Variants in NRG1 observed in about 807,000 individuals in gnomAD.
The protein encoded by NRG1 is pro-neuregulin-1, membrane-bound isoform.
A neutral mutation model predicts 63.8 loss-of-function variants in NRG1; 18 were observed. That is an observed-to-expected ratio of 0.28 (90% CI 0.19 to 0.42). The LOEUF is 0.42. Among genes scored for constraint, NRG1 ranks in the 10% least tolerant of loss-of-function variants. The pLI is 1.00. For missense variants in NRG1, 762 were observed against 814.7 expected (o/e 0.94, Z 0.79); for synonymous variants, 302 against 301.3 (o/e 1.00, Z -0.02).
chr8:32,069,442 G>T (rs1825411037), intron 1 of NRG1, among the ~76,000 whole-genome samples: 1 of 152,198 alleles, frequency 6.6e-6, no homozygotes, highest in South Asian at 2.1e-4. Flanking sequence ...GAAGTAAGGT[G>T]CAGAAAATGC....
chr8:32,065,646 A>G (rs1440333923), intron 1 of NRG1, among the ~76,000 whole-genome samples: 1 of 152,212 alleles, frequency 6.6e-6, no homozygotes, highest in African/African-American at 2.4e-5. Context: ...CTATAAACAT[A>G]CCTGTGCATG....
chr8:32,469,274 G>A (rs951026653), intron 1 of NRG1, among the ~76,000 whole-genome samples: 1 of 152,172 alleles, frequency 6.6e-6, no homozygotes, highest in African/African-American at 2.4e-5. Flanking sequence ...TACAGCAGAA[G>A]GAGTTGATTC....
Position 32,596,009 on chromosome 8 carries a change from A to C in NRG1, c.278+4A>C, listed in dbSNP as rs1843285999. 6.2e-7 allele frequency: 1 copy of C among 1,610,438 alleles called. No homozygotes were observed. Among genetic ancestry groups the C allele is most frequent in the African/African-American group, 1.3e-5 (1 of 74,692 alleles). ...TCAAGATACAAAAAAAGCCAGGGTAAGTATAATGCATAAAATAGTAGAGAC... is the reference window on the plus strand; with the variant it reads ...TCAAGATACAAAAAAAGCCAGGGTACGTATAATGCATAAAATAGTAGAGAC... On this transcript the variant is annotated splice_donor_region_variant and intron_variant, in intron 2 of 11. Coordinates refer to ENST00000356819, the Ensembl canonical transcript of NRG1.
chr8:32,419,528 C>T (rs930286696), intron 1 of NRG1, among the ~76,000 whole-genome samples: 1 of 152,038 alleles, frequency 6.6e-6, no homozygotes, highest in African/African-American at 2.4e-5. Context: ...CTATAAATAC[C>T]CAAGTCTTTA....
At chr8:32,198,568 T>C (rs1194348051) in intron 1 of NRG1, among the ~76,000 whole-genome samples, 3 of 152,204 alleles carry the variant, frequency 2.0e-5, no homozygotes, top group Non-Finnish European at 4.4e-5. Context: ...GTTTTCATAA[T>C]GGATCTTTCT....
At chr8:31,973,818 A>C (rs929779196) in intron 1 of NRG1, among the ~76,000 whole-genome samples, 1 of 152,222 alleles carries the variant, frequency 6.6e-6, no homozygotes, top group Non-Finnish European at 1.5e-5. Context: ...CAAATTTATC[A>C]ACCAGTGAAG....
intron 5 of NRG1, among the ~76,000 whole-genome samples, chr8:32,664,312 A>G (rs1235996770): frequency 6.6e-6 from 1 of 151,942 alleles, no homozygotes; most frequent in Non-Finnish European, 1.5e-5. Context: ...AAAAAAAAAA[A>G]CCAAAAAGGA....
At chr8:32,608,430 C>CAACA (rs1845731696) in intron 3 of NRG1, among the ~76,000 whole-genome samples, 1 of 152,052 alleles carries the variant, frequency 6.6e-6, no homozygotes, top group Non-Finnish European at 1.5e-5. Context: ...TGTGGAACTC[C>CAACA]TGAGTTCAAG....
intron 1 of NRG1, among the ~76,000 whole-genome samples, chr8:32,319,233 G>A (rs1801101750): frequency 1.3e-5 from 2 of 152,152 alleles, no homozygotes; most frequent in South Asian, 2.1e-4. Flanking sequence ...GTTATTTGCA[G>A]GGGTGTTGAT....
chr8:31,892,040 T>A (rs1274563392), intron 1 of NRG1, among the ~76,000 whole-genome samples: 2 of 152,156 alleles, frequency 1.3e-5, no homozygotes, highest in African/African-American at 4.8e-5. Flanking sequence ...ACATGAGGAA[T>A]GCTTGTAATG....
rs138137424 is a variant in NRG1 at position 32,379,328 on chromosome 8, C to T, written c.38-216500C>T. 1.3e-3 allele frequency among the ~76,000 whole-genome samples: 200 copies of T among 152,246 alleles called. 3 individuals are homozygous for T. The highest frequency in any genetic ancestry group is 4.7e-3 in the African/African-American group (195 of 41,546). On this transcript the variant is annotated intron_variant, in intron 1 of 10. Transcript: ENST00000519301. ...ACAGGGAAGATTAAAACTCATTTTG[C>T]TAATGAGGGCTTAGCCCTTGAGGAC...
intron 1 of NRG1, among the ~76,000 whole-genome samples, chr8:32,124,675 G>T (rs1439922484): frequency 6.6e-6 from 1 of 151,642 alleles, no homozygotes; most frequent in South Asian, 2.1e-4. Context: ...GTGAATTTTT[G>T]CCCCTATTTT....
At chr8:32,149,752 A>T (rs1196346893) in intron 1 of NRG1, among the ~76,000 whole-genome samples, 1 of 152,226 alleles carries the variant, frequency 6.6e-6, no homozygotes, top group Non-Finnish European at 1.5e-5. Context: ...GAAATAAATT[A>T]AAATAGTTTT....
At chr8:31,854,469 A>G (rs556421621) in intron 1 of NRG1, among the ~76,000 whole-genome samples, 7 of 151,568 alleles carry the variant, frequency 4.6e-5, no homozygotes, top group African/African-American at 1.7e-4. Context: ...CCCCTTTATC[A>G]TTTTTTATTG....
chr8:32,270,351 T>C (rs374477563), intron 1 of NRG1, among the ~76,000 whole-genome samples: 2 of 152,326 alleles, frequency 1.3e-5, no homozygotes, highest in South Asian at 2.1e-4. Flanking sequence ...GTAGATTACA[T>C]AGAATACAGG....
chr8:32,287,791 A>T (rs961027703), intron 1 of NRG1, among the ~76,000 whole-genome samples: 6 of 152,226 alleles, frequency 3.9e-5, no homozygotes, highest in Admixed American at 3.3e-4. Flanking sequence ...TGTCGAGAGT[A>T]ACACATTCCT....
chr8:32,176,921 G>T (rs1267315487), intron 1 of NRG1, among the ~76,000 whole-genome samples: 1 of 152,118 alleles, frequency 6.6e-6, no homozygotes, highest in Non-Finnish European at 1.5e-5. Context: ...TCAGTGTGGC[G>T]ATTCCTCAGG....
intron 1 of NRG1, among the ~76,000 whole-genome samples, chr8:31,873,190 G>A (rs1197697381): frequency 1.3e-5 from 2 of 152,152 alleles, no homozygotes; most frequent in Non-Finnish European, 2.9e-5. Context: ...AGATGTAGGA[G>A]GTATTCTTGT....
rs1453866048 is a variant in NRG1, at chr8:31,917,134, A to G, written c.37+277703A>G. On this transcript the variant is annotated intron_variant, in intron 1 of 10. Transcript: ENST00000519301. The stretch of plus-strand genomic sequence containing the variant: ...TTTGTCAGATGAATAGGTTGCGAAA[A>G]TTTTCTCCCATTTTGTAGGTTGCCT... 3.1e-5 allele frequency among the ~76,000 whole-genome samples: 3 copies of G among 97,872 alleles called. 1 individual carries two copies. The highest frequency in any genetic ancestry group is 1.1e-4 in the African/African-American group (3 of 26,508). The allele number at this position is 97,872 out of a possible 152,430, so 64.2% of individuals were successfully genotyped here. A position where few individuals can be genotyped will look rare whatever the true frequency, so the allele number is the denominator to read the frequency against.
Sources: gnomAD v4.1 joint callset for allele counts (sites outside exome capture counted in the v4.1 genomes callset) on GRCh38, gnomAD v4.1.1 for gene constraint, MANE v1.5 for transcripts, NCBI Gene and HGNC (gene_info 2026-07-23, HGNC 2026-07-21) for gene names.